The following FGF14 variants were observed in gnomAD, a reference collection of about 807,000 sequenced individuals.
FGF14 encodes fibroblast growth factor homologous factor 4.
Under a neutral mutation model 25.5 loss-of-function variants are expected in FGF14, and 5 were observed. The observed-to-expected ratio is 0.20, with a 90% CI of 0.10 to 0.41. The LOEUF is 0.41. Ranked by LOEUF, FGF14 falls within the 10% of genes least tolerant of loss-of-function variation. The pLI is 1.00. For missense variants in FGF14, 222 were observed against 320.1 expected (o/e 0.69, Z 2.34); for synonymous variants, 138 against 118.3 (o/e 1.17, Z -1.08).
At chr13:101,837,832 T>C (rs2043001940) in intron 3 of FGF14, among the ~76,000 whole-genome samples, 1 of 151,982 alleles carries the variant, frequency 6.6e-6, no homozygotes, top group Non-Finnish European at 1.5e-5. Flanking sequence ...TCTGTGAGGG[T>C]GTTGCCAAAA....
intron 3 of FGF14, among the ~76,000 whole-genome samples, chr13:101,775,809 G>A (rs1346037159): frequency 6.6e-6 from 1 of 152,120 alleles, no homozygotes; most frequent in Non-Finnish European, 1.5e-5. Context: ...AATAGTTATT[G>A]AGCCAAGGGG....
intron 1 of FGF14, among the ~76,000 whole-genome samples, chr13:102,247,495 A>C (rs1394627278): frequency 6.6e-6 from 1 of 152,154 alleles, no homozygotes; most frequent in African/African-American, 2.4e-5. Context: ...AAAACCCTCA[A>C]TATCACTGAT....
chr13:102,357,753 T>G (rs1478728759), intron 1 of FGF14, among the ~76,000 whole-genome samples: 1 of 152,222 alleles, frequency 6.6e-6, no homozygotes, highest in Non-Finnish European at 1.5e-5. Flanking sequence ...GCTAGTGTTC[T>G]TGTCTGGTAG....
At position 102,117,315 on chromosome 13, in the gene FGF14, C is replaced by CCTGTCCTGACTTGCT. The variant is rs1488649625; in HGVS notation, c.209-242020_209-242019insAGCAAGTCAGGACAG. Among the ~76,000 whole-genome samples the CCTGTCCTGACTTGCT allele has an allele frequency of 1.1e-3, 168 of 152,156 alleles. 1 individual carries two copies. The highest frequency in any genetic ancestry group is 2.2e-3 in the Non-Finnish European group (147 of 68,046). ...TCACATAGCCCAACTCTAGTCTGCT[C>CCTGTCCTGACTTGCT]CCGTCCTGACTTGCTCCTGTCCTGA... On this transcript the variant is annotated intron_variant, in intron 1 of 4. Transcript: ENST00000376131.
chr13:101,731,654 T>C (rs1221074775), intron 3 of FGF14, among the ~76,000 whole-genome samples: 1 of 152,190 alleles, frequency 6.6e-6, no homozygotes, highest in Non-Finnish European at 1.5e-5. Flanking sequence ...AGACTTCTGG[T>C]TGGAAGGAGC....
At chr13:102,069,523 T>A (rs1268978907) in intron 1 of FGF14, among the ~76,000 whole-genome samples, 3 of 152,344 alleles carry the variant, frequency 2.0e-5, no homozygotes, top group South Asian at 2.1e-4. Flanking sequence ...GCTGCTTTTA[T>A]GAGCTGTAAC....
intron 1 of FGF14, among the ~76,000 whole-genome samples, chr13:102,037,335 G>C (rs1408230645): frequency 6.6e-6 from 1 of 152,094 alleles, no homozygotes; most frequent in Non-Finnish European, 1.5e-5. Context: ...CTAAGGAACA[G>C]TCTGTTTCCT....
At chr13:101,741,243 G>A (rs2036535211) in intron 3 of FGF14, among the ~76,000 whole-genome samples, 1 of 152,212 alleles carries the variant, frequency 6.6e-6, no homozygotes, top group Non-Finnish European at 1.5e-5. Flanking sequence ...GGGTGAGGCA[G>A]GAGAATTGCT....
intron 1 of FGF14, among the ~76,000 whole-genome samples, chr13:102,043,398 A>T (rs1033739339): frequency 3.9e-5 from 6 of 152,132 alleles, no homozygotes; most frequent in Non-Finnish European, 2.9e-5. Flanking sequence ...ACAACTGTCA[A>T]ACAACAGGTT....
intron 1 of FGF14, among the ~76,000 whole-genome samples, chr13:102,189,038 GAAAGAGAAAGAATGAAAGA>G (rs2049015502): frequency 1.4e-5 from 1 of 69,902 alleles, no homozygotes; most frequent in South Asian, 3.9e-4. Context: ...AAGAAAGAAA[GAAAGAGAAAGAATGAAAGA>G]AGAAAAGAAA....
At chr13:101,884,068 A>G (rs1371742911) in intron 1 of FGF14, among the ~76,000 whole-genome samples, 1 of 146,886 alleles carries the variant, frequency 6.8e-6, no homozygotes, top group African/African-American at 2.5e-5. Context: ...ATCTCAAAAA[A>G]AAAAAAAAAA....
intron 1 of FGF14, among the ~76,000 whole-genome samples, chr13:102,062,464 A>G (rs1264626078): frequency 1.3e-5 from 2 of 152,164 alleles, no homozygotes; most frequent in African/African-American, 4.8e-5. Flanking sequence ...GTTGATCTGA[A>G]AAACTTCTCT....
chr13:102,182,906 T>C (rs954031039), intron 1 of FGF14, among the ~76,000 whole-genome samples: 1 of 152,176 alleles, frequency 6.6e-6, no homozygotes, highest in African/African-American at 2.4e-5. Flanking sequence ...AAACTTGATT[T>C]GTGAAGCTTG....
chr13:101,782,680 G>A (rs1156887681), intron 3 of FGF14, among the ~76,000 whole-genome samples: 1 of 152,098 alleles, frequency 6.6e-6, no homozygotes, highest in Non-Finnish European at 1.5e-5. Flanking sequence ...GAGGATAATG[G>A]CCTCCAGCTC....
chr13:102,368,814 G>C (rs1283136540), intron 1 of FGF14, among the ~76,000 whole-genome samples: 1 of 152,084 alleles, frequency 6.6e-6, no homozygotes, highest in Admixed American at 6.6e-5. Context: ...CAGGTCTTTT[G>C]TCCCATGAAA....
chr13:102,270,234 A>ATC (rs750909031), intron 1 of FGF14, among the ~76,000 whole-genome samples: 104 of 149,562 alleles, frequency 7.0e-4, no homozygotes, highest in Middle Eastern at 3.4e-3. Context: ...AATGTCTTTC[A>ATC]TCTCTCTCTC....
chr13:101,778,487 C>T (rs772561641), intron 3 of FGF14, among the ~76,000 whole-genome samples: 26 of 152,170 alleles, frequency 1.7e-4, no homozygotes, highest in Non-Finnish European at 3.4e-4. Context: ...GCAGCCTCTT[C>T]CTGGCAGTCA....
rs544956826 is a variant in FGF14, at chr13:101,834,252, T to G, written c.408+34473A>C. ...TATGGCCTGTTATTAGACCATAGTGTTGATCTCTGAGTACTTTGCACATTT... is the reference window on the plus strand; with the variant it reads ...TATGGCCTGTTATTAGACCATAGTGGTGATCTCTGAGTACTTTGCACATTT... On this transcript the variant is annotated intron_variant, in intron 3 of 4. Coordinates refer to ENST00000376143, the MANE Select transcript of FGF14 (RefSeq NM_004115.4). Among the ~76,000 whole-genome samples, 5 of 152,218 alleles carry G rather than the reference T, an allele frequency of 3.3e-5. No homozygotes were observed. In the East Asian group the frequency reaches 9.7e-4, roughly 30 times the overall value.
chr13:101,751,911 A>AAAAAC (rs1341198684), intron 3 of FGF14, among the ~76,000 whole-genome samples: 2 of 152,276 alleles, frequency 1.3e-5, no homozygotes, highest in South Asian at 4.1e-4. Flanking sequence ...TCTGGGGGAA[A>AAAAAC]AAAACAAAAC....
Sources: allele counts gnomAD v4.1 joint callset (sites outside exome capture counted in the v4.1 genomes callset), GRCh38; gene constraint gnomAD v4.1.1; transcripts MANE v1.5; gene names NCBI Gene and HGNC (gene_info 2026-07-23, HGNC 2026-07-21).